RIF1: variants seen among roughly 807,000 people sequenced by gnomAD.
RIF1 encodes the protein replication timing regulatory factor 1, also known as telomere-associated protein RIF1.
In RIF1, 45 loss-of-function variants were observed where a neutral mutation model predicts 247.1. The observed-to-expected ratio is 0.18, with a 90% CI of 0.14 to 0.23. RIF1 has a LOEUF of 0.23. Among genes scored for constraint, RIF1 ranks in the 10% least tolerant of loss-of-function variants. The probability of loss-of-function intolerance (pLI) is 1.00; values close to 1 mark genes in which losing one functional copy is unlikely to be tolerated. For synonymous variants in RIF1, 1,087 were observed against 978.8 expected (o/e 1.11, Z -2.06); for missense variants, 2,967 against 2,862.5 (o/e 1.04, Z -0.83).
downstream of RIF1, chr2:151,486,527 G>A: frequency 6.6e-6 from 1 of 152,584 alleles, no homozygotes; most frequent in Non-Finnish European, 1.5e-5. Context: ...TGAAGACATA[G>A]GTCTGCACAA....
rs555445835 is a variant in RIF1 at position 151,494,211 on chromosome 2, CAG to C, written c.*416-1017_*416-1016del. On this transcript the variant is annotated intron_variant and NMD_transcript_variant, in intron 9 of 13. Transcript: ENST00000454583. ...TTGACTCTCTGCATCTCAGGAGTGACAGGGGTTGCGGTGGCTTTCCCCACATT... is the reference window on the plus strand; with the variant it reads ...TTGACTCTCTGCATCTCAGGAGTGACGGGTTGCGGTGGCTTTCCCCACATT... 41 of 1,607,988 alleles carry C rather than the reference CAG, an allele frequency of 2.5e-5. No homozygotes were observed. Among genetic ancestry groups the C allele is most frequent in the Non-Finnish European group, 3.2e-5 (38 of 1,176,852 alleles).
At chr2:151,426,844 A>G (rs943499154) in intron 8 of RIF1, among the ~76,000 whole-genome samples, 2 of 151,114 alleles carry the variant, frequency 1.3e-5, no homozygotes, top group Non-Finnish European at 3.0e-5. Context: ...ATGGGGTTTT[A>G]CCATGTTGGC....
intron 10 of RIF1, 38 bp from the exon 11 acceptor site, chr2:151,435,425 G>A (rs754109895): frequency 8.8e-7 from 1 of 1,141,368 alleles, no homozygotes; most frequent in Non-Finnish European, 1.3e-6. Flanking sequence ...TGTGACAGTT[G>A]TATAGTTTAT....
Position 151,409,948 on chromosome 2 carries a change from A to AC in RIF1, c.-95dup. The AC allele has an allele frequency of 1.4e-6, 1 of 701,502 alleles. No homozygotes were observed. The highest frequency in any genetic ancestry group is 2.6e-6 in the Non-Finnish European group (1 of 384,500). The allele number at this position is 701,502 out of a possible 1,614,324, so 43.5% of individuals were successfully genotyped here. On this transcript the variant is annotated 5_prime_UTR_variant, in exon 1 of 36. Transcript: ENST00000444746. ...GGGAGCGCGCCGCACGCGTGAGTAA[A>AC]CAGCCGGAGCTGGGAAAGTCGAGCT... is the stretch of plus-strand genomic sequence containing the variant.
intron 10 of RIF1, chr2:151,496,317 C>G: frequency 6.2e-7 from 1 of 1,612,240 alleles, no homozygotes; most frequent in South Asian, 1.1e-5. Context: ...CGCTCCATCT[C>G]GGGAGTGACA....
chr2:151,527,476 C>T, the RIF1 span: 1 of 1,608,122 alleles, frequency 6.2e-7, no homozygotes, highest in Admixed American at 1.7e-5. Context: ...TCTCTCCTGT[C>T]TTACATCGCT....
At chr2:151,497,855 A>AGT in intron 10 of RIF1, 3 of 1,513,602 alleles carry the variant, frequency 2.0e-6, no homozygotes, top group Non-Finnish European at 2.6e-6. Flanking sequence ...CGACTACTTT[A>AGT]GTGGAAGCTG....
At chr2:151,514,363 T>G in the RIF1 span, 7 of 1,613,868 alleles carry the variant, frequency 4.3e-6, no homozygotes, top group Non-Finnish European at 5.9e-6. Context: ...GCATGTCAGG[T>G]GTATCTTCCA....
chr2:151,420,682 C>T (rs769527760), intron 7 of RIF1, among the ~76,000 whole-genome samples: 2 of 146,062 alleles, frequency 1.4e-5, no homozygotes, highest in Non-Finnish European at 3.0e-5. Context: ...CTGCAGTGAG[C>T]TATGATCTCA....
At position 151,460,066 on chromosome 2, in the gene RIF1, T is replaced by C; in HGVS notation, c.3022T>C (p.Ser1008Pro). 6.3e-7 allele frequency: 1 copy of C among 1,576,324 alleles called. No individual in the cohort carries two copies. Among genetic ancestry groups the C allele is most frequent in the Non-Finnish European group, 8.6e-7 (1 of 1,156,518 alleles). Reference protein sequence around the residue: ...MERKSNGKRDSFLAQTKNKKE... With the variant: ...MERKSNGKRDPFLAQTKNKKE... ...GAGAAAATCAAATGGAAAAAGAGAT[T>C]CATTTTTGGCACAAACAAAGAATAA... is the stretch of plus-strand genomic sequence containing the variant. Residue 1008 changes from serine to proline, a missense_variant, in exon 26 of 36, where the codon TCA becomes CCA. This residue lies in a region of RIF1 where 2,028 missense variants were observed against 1,825.6 expected (regional missense o/e 1.11). Coordinates refer to ENST00000444746, the MANE Select transcript of RIF1 (RefSeq NM_018151.5).
the RIF1 span, chr2:151,514,532 A>C: frequency 1.1e-6 from 1 of 897,108 alleles, no homozygotes; most frequent in Non-Finnish European, 1.8e-6. Context: ...AAGGGTTCAC[A>C]GTTTAGTAAG....
Position 151,422,150 on chromosome 2 carries a change from C to A in RIF1, c.694-800C>A, listed in dbSNP as rs1435953383. Among the ~76,000 whole-genome samples the A allele has an allele frequency of 2.0e-5, 3 of 152,046 alleles. No individual in the cohort carries two copies. The East Asian group carries it at 5.8e-4, about 29-fold the overall frequency. ...TGACCATAAAATTCTTTCTTTAACCCATTTATCAAGCTTGCAACAAAGCAT... is the reference window on the plus strand; with the variant it reads ...TGACCATAAAATTCTTTCTTTAACCAATTTATCAAGCTTGCAACAAAGCAT... On this transcript the variant is annotated intron_variant, in intron 7 of 35. Coordinates refer to ENST00000444746, the MANE Select transcript of RIF1 (RefSeq NM_018151.5).
chr2:151,468,069 T>G lies in RIF1; in HGVS notation c.6670T>G (p.Ser2224Ala). The G allele has an allele frequency of 6.2e-7, 1 of 1,613,714 alleles. No individual in the cohort carries two copies. Among genetic ancestry groups the G allele is most frequent in the Non-Finnish European group, 8.5e-7 (1 of 1,179,716 alleles). ...GGCAGATGACATTGATAGACGGTGC[T>G]CTATTGTTAGGTCCCATTCTTCCAA... The part of the protein sequence containing the change: ...GLADDIDRRC[S>A]IVRSHSSNSS... Residue 2224 changes from serine to alanine, a missense_variant, in exon 31 of 36, where the codon TCT (serine) becomes GCT (alanine). By Grantham distance (99) the Ser-to-Ala change is moderately conservative. This residue lies in a region of RIF1 where 2,028 missense variants were observed against 1,825.6 expected (regional missense o/e 1.11). Coordinates refer to ENST00000444746, the MANE Select transcript of RIF1 (RefSeq NM_018151.5).
intron 19 of RIF1, 103 bp downstream of exon 19, chr2:151,445,548 C>A: frequency 1.4e-6 from 1 of 712,502 alleles, no homozygotes; most frequent in South Asian, 1.7e-5. Flanking sequence ...TTTTCTTTTT[C>A]TTTTTCTCTT....
At chr2:151,501,983 T>C (rs977311680) in intron 11 of RIF1, among the ~76,000 whole-genome samples, 2 of 152,184 alleles carry the variant, frequency 1.3e-5, no homozygotes, top group Non-Finnish European at 2.9e-5. Context: ...CCAAGACAAG[T>C]AAATTATATT....
In RIF1 at chr2:151,455,033, T is replaced by C. The variant is rs1694956450; in HGVS notation, c.2483T>C (p.Phe828Ser). 1 of 1,613,878 alleles carries C rather than the reference T, an allele frequency of 6.2e-7. No homozygotes were observed. Among genetic ancestry groups the C allele is most frequent in the Admixed American group, 1.7e-5 (1 of 59,994 alleles). ...SFKEAHSDTL[F>S]TIGNSITGII... ...AAGGAAGCACATTCTGATACCCTCT[T>C]CACTATTGGCAACTCAATCACCGGC... is the stretch of plus-strand genomic sequence containing the variant. Residue 828 changes from phenylalanine (F) to serine (S), a missense_variant, in exon 22 of 36, where the codon TTC becomes TCC. Physicochemically the swap from Phe to Ser is radical, Grantham distance 155. Coordinates refer to ENST00000444746, the MANE Select transcript of RIF1 (RefSeq NM_018151.5).
At chr2:151,410,591 T>G in intron 2 of RIF1, 64 bp downstream of exon 2, 1 of 1,299,124 alleles carries the variant, frequency 7.7e-7, no homozygotes, top group East Asian at 2.3e-5. Context: ...AAGAAGGTGG[T>G]TGGGAGGGGC....
intron 27 of RIF1, among the ~76,000 whole-genome samples, 158 bp from the exon 28 acceptor site, chr2:151,462,084 G>A (rs115632968): frequency 0.025 from 3,812 of 152,080 alleles, 111 homozygotes; most frequent in East Asian, 0.14. Flanking sequence ...TGTTGCCCAT[G>A]CTGGTCTTGA....
At chr2:151,461,927 G>T (rs1696239106) in intron 27 of RIF1, among the ~76,000 whole-genome samples, 3 of 152,132 alleles carry the variant, frequency 2.0e-5, no homozygotes, top group Admixed American at 2.0e-4. Flanking sequence ...AGGCTGGAGT[G>T]CAGTGGCATG....
Sources: allele counts gnomAD v4.1 joint callset (sites outside exome capture counted in the v4.1 genomes callset), GRCh38; gene constraint gnomAD v4.1.1; regional missense constraint gnomAD v4.1.1; transcripts MANE v1.5; gene names NCBI Gene and HGNC (gene_info 2026-07-23, HGNC 2026-07-21).